The following CADM1 variants were observed in gnomAD, a reference collection of about 807,000 sequenced individuals.
CADM1 encodes TSLC-1.
Under a neutral mutation model 53.1 loss-of-function variants are expected in CADM1, and 15 were observed. That is an observed-to-expected ratio of 0.28 (90% confidence interval 0.19 to 0.44). The LOEUF (loss-of-function observed/expected upper bound fraction) is 0.44, where lower values mean the gene tolerates loss of function less well. CADM1 is among the 20% of genes least tolerant of loss of function. The pLI is 1.00. For missense variants in CADM1, 434 were observed against 611.3 expected, an observed-to-expected ratio of 0.71 and a Z score of 3.06; for synonymous variants, 281 against 243.0, an observed-to-expected ratio of 1.16 and a Z score of -1.45.
At chr11:115,429,386 G>GA (rs1947980267) in intron 1 of CADM1, among the ~76,000 whole-genome samples, 1 of 151,968 alleles carries the variant, frequency 6.6e-6, no homozygotes, top group African/African-American at 2.4e-5. Flanking sequence ...GGCGGGTGGG[G>GA]ATCCCCTGAG....
intron 1 of CADM1, among the ~76,000 whole-genome samples, chr11:115,329,425 C>T (rs960742213): frequency 3.3e-5 from 5 of 152,008 alleles, no homozygotes; most frequent in Admixed American, 6.6e-5. Context: ...CACTATGAAA[C>T]GGGAGAGTTC....
chr11:115,187,885 T>C (rs561541292), intron 10 of CADM1, among the ~76,000 whole-genome samples: 4 of 152,364 alleles, frequency 2.6e-5, no homozygotes, highest in African/African-American at 7.2e-5. Flanking sequence ...CTTTCTTTTT[T>C]GGATCGTGAG....
At chr11:115,489,668 G>A (rs1422687396) in intron 1 of CADM1, among the ~76,000 whole-genome samples, 1 of 152,234 alleles carries the variant, frequency 6.6e-6, no homozygotes, top group Non-Finnish European at 1.5e-5. Flanking sequence ...GACGAAATGT[G>A]TAGCGGGCAT....
intron 1 of CADM1, among the ~76,000 whole-genome samples, chr11:115,417,367 C>T (rs1947626640): frequency 6.6e-6 from 1 of 152,198 alleles, no homozygotes; most frequent in South Asian, 2.1e-4. Context: ...AAGTAGTCCT[C>T]CTTATCCTCA....
At chr11:115,392,042 C>T (rs755909256) in intron 1 of CADM1, among the ~76,000 whole-genome samples, 8 of 152,122 alleles carry the variant, frequency 5.3e-5, no homozygotes, top group Non-Finnish European at 1.2e-4. Context: ...AACAACAAGT[C>T]GTTTCTGTTC....
intron 1 of CADM1, among the ~76,000 whole-genome samples, chr11:115,265,262 G>A (rs1314423697): frequency 6.6e-6 from 1 of 152,062 alleles, no homozygotes; most frequent in Non-Finnish European, 1.5e-5. Context: ...TTCTCATGAG[G>A]AAAGGAAAGA....
intron 1 of CADM1, among the ~76,000 whole-genome samples, chr11:115,348,303 G>A (rs1449701916): frequency 6.6e-6 from 1 of 152,160 alleles, no homozygotes; most frequent in Non-Finnish European, 1.5e-5. Flanking sequence ...TAAATTACTA[G>A]GCTGAAATCT....
intron 1 of CADM1, among the ~76,000 whole-genome samples, chr11:115,278,224 A>C (rs951134702): frequency 6.6e-6 from 1 of 152,204 alleles, no homozygotes; most frequent in African/African-American, 2.4e-5. Context: ...TGAGAAAAAA[A>C]TATGTAAACA....
At chr11:115,298,766 T>C (rs1296750739) in intron 1 of CADM1, among the ~76,000 whole-genome samples, 3 of 152,198 alleles carry the variant, frequency 2.0e-5, no homozygotes, top group Non-Finnish European at 4.4e-5. Flanking sequence ...CAACACACTT[T>C]AATTAGCCAC....
At chr11:115,389,827 G>T (rs1352818316) in intron 1 of CADM1, among the ~76,000 whole-genome samples, 2 of 151,788 alleles carry the variant, frequency 1.3e-5, no homozygotes, top group African/African-American at 2.4e-5. Context: ...TAATACAAAA[G>T]AAGCTTTATT....
chr11:115,422,964 A>C (rs1947795611), intron 1 of CADM1, among the ~76,000 whole-genome samples: 1 of 152,122 alleles, frequency 6.6e-6, no homozygotes, highest in African/African-American at 2.4e-5. Context: ...ACTTTCTCCT[A>C]CAACAAAAAA....
At chr11:115,239,615 G>A (rs1194594500) in intron 2 of CADM1, among the ~76,000 whole-genome samples, 1 of 152,014 alleles carries the variant, frequency 6.6e-6, no homozygotes, top group African/African-American at 2.4e-5. Context: ...CACAGGTCAT[G>A]AATGACCCTG....
At chr11:115,401,964 C>A (rs1338696979) in intron 1 of CADM1, among the ~76,000 whole-genome samples, 1 of 151,816 alleles carries the variant, frequency 6.6e-6, no homozygotes, top group African/African-American at 2.4e-5. Flanking sequence ...AAAATTAAGT[C>A]TTTTTTAAGA....
At chr11:115,351,781 C>A (rs1004114342) in intron 1 of CADM1, among the ~76,000 whole-genome samples, 1 of 152,170 alleles carries the variant, frequency 6.6e-6, no homozygotes, top group Admixed American at 6.5e-5. Context: ...TTCTCTAGGG[C>A]ATAGGAGCCC....
chr11:115,179,558 G>A (rs1280815592), intron 10 of CADM1, among the ~76,000 whole-genome samples: 1 of 152,224 alleles, frequency 6.6e-6, no homozygotes, highest in East Asian at 1.9e-4. Flanking sequence ...CTATGGTGAT[G>A]CAGAATGGAT....
intron 1 of CADM1, among the ~76,000 whole-genome samples, chr11:115,470,062 T>C (rs1948980809): frequency 6.6e-6 from 1 of 152,236 alleles, no homozygotes; most frequent in African/African-American, 2.4e-5. Flanking sequence ...AAAATAGTAA[T>C]GCCTACTTTT....
intron 1 of CADM1, among the ~76,000 whole-genome samples, chr11:115,490,814 C>G (rs561499668): frequency 9.9e-5 from 15 of 152,226 alleles, no homozygotes; most frequent in African/African-American, 3.6e-4. Context: ...TGATACTTAC[C>G]ATTTGTGTTT....
chr11:115,284,154 G>A (rs1265601960), intron 1 of CADM1, among the ~76,000 whole-genome samples: 1 of 138,794 alleles, frequency 7.2e-6, no homozygotes, highest in East Asian at 2.2e-4. Flanking sequence ...GTGTGTGTGT[G>A]TATGGTGAGG....
chr11:115,475,890 G>T (rs1264697053), intron 1 of CADM1, among the ~76,000 whole-genome samples: 3 of 152,120 alleles, frequency 2.0e-5, no homozygotes, highest in Non-Finnish European at 4.4e-5. Context: ...TTCTATGCAT[G>T]TGTCAAAATT....
Sources: gnomAD v4.1 joint callset for allele counts (sites outside exome capture counted in the v4.1 genomes callset) on GRCh38, gnomAD v4.1.1 for gene constraint, MANE v1.5 for transcripts, NCBI Gene and HGNC (gene_info 2026-07-23, HGNC 2026-07-21) for gene names.